The following GPATCH8 variants were observed in gnomAD, a reference collection of about 807,000 sequenced individuals.
GPATCH8 encodes G patch domain-containing protein 8.
In GPATCH8, 18 loss-of-function variants were observed where a neutral mutation model predicts 118.3. The ratio of observed to expected loss-of-function variants is 0.15; its 90% confidence interval spans 0.11 to 0.23. The LOEUF (loss-of-function observed/expected upper bound fraction) is 0.23, where lower values mean the gene tolerates loss of function less well. Ranked by LOEUF, GPATCH8 falls within the 10% of genes least tolerant of loss-of-function variation. GPATCH8 has a pLI of 1.00. For synonymous variants in GPATCH8, 659 were observed against 684.7 expected, an observed-to-expected ratio of 0.96 and a Z score of 0.59; for missense variants, 1,631 against 1,873.8, an observed-to-expected ratio of 0.87 and a Z score of 2.39.
At position 44,429,687 on chromosome 17, in the gene GPATCH8, A is replaced by ACACACACACAC. The variant is rs58829323; in HGVS notation, c.349-5196_349-5195insGTGTGTGTGTG. On this transcript the variant is annotated intron_variant, in intron 5 of 7. Coordinates refer to ENST00000591680, the MANE Select transcript of GPATCH8 (RefSeq NM_001002909.4). The stretch of plus-strand genomic sequence containing the variant: ...ACACACACACACACACACACACACA[A>ACACACACACAC]AACAACAAACAAACAAACAAACAAA... 4.2e-4 allele frequency among the ~76,000 whole-genome samples: 31 copies of ACACACACACAC among 73,728 alleles called. No individual in the cohort carries two copies. The East Asian group carries it at 5.5e-3, about 13-fold the overall frequency. The allele number at this position is 73,728 out of a possible 152,430, so 48.4% of individuals were successfully genotyped here. A position where few individuals can be genotyped will look rare whatever the true frequency, so the allele number is the denominator to read the frequency against.
intron 3 of GPATCH8, among the ~76,000 whole-genome samples, chr17:44,462,622 A>G (rs2051598132): frequency 6.6e-6 from 1 of 152,202 alleles, no homozygotes; most frequent in Non-Finnish European, 1.5e-5. Flanking sequence ...TTTATTGAGC[A>G]TCTCCCATGT....
At chr17:44,491,073 A>G (rs1424870526) in intron 1 of GPATCH8, among the ~76,000 whole-genome samples, 3 of 152,250 alleles carry the variant, frequency 2.0e-5, no homozygotes, top group Non-Finnish European at 4.4e-5. Context: ...GCTGGAGAAG[A>G]AGGAATTATT....
chr17:44,430,487 C>T (rs561504997), intron 5 of GPATCH8, among the ~76,000 whole-genome samples: 34 of 152,268 alleles, frequency 2.2e-4, no homozygotes, highest in Admixed American at 7.2e-4. Flanking sequence ...CCAATACTCT[C>T]TTTCATGGTA....
intron 1 of GPATCH8, among the ~76,000 whole-genome samples, chr17:44,480,341 G>C (rs1490324286): frequency 1.3e-5 from 2 of 152,126 alleles, no homozygotes; most frequent in Non-Finnish European, 2.9e-5. Context: ...CAGCAATCTG[G>C]GAGGCCGAGG....
chr17:44,491,772 T>G (rs1969267545), intron 1 of GPATCH8, among the ~76,000 whole-genome samples: 1 of 150,690 alleles, frequency 6.6e-6, no homozygotes, highest in African/African-American at 2.4e-5. Flanking sequence ...GAGGATTGCC[T>G]GAGTCCAAGA....
Position 44,397,747 on chromosome 17 carries a change from C to A in GPATCH8, c.4330G>T (p.Ala1444Ser). The change falls in exon 8 of 8, where the codon GCC becomes TCC. Residue 1444 changes from alanine (A) to serine (S), a missense_variant. Coordinates refer to ENST00000591680, the MANE Select transcript of GPATCH8 (RefSeq NM_001002909.4). The part of the protein sequence containing the change: ...LASHPIHIIP[A>S]SAIHPGPFTF... ...AAGGGCCCAGGATGGATGGCTGAGG[C>A]GGGAATGATGTGGATGGGATGGCTA... 1 of 1,590,090 alleles carries A rather than the reference C, an allele frequency of 6.3e-7. No individual in the cohort carries two copies. The highest frequency in any genetic ancestry group is 8.6e-7 in the Non-Finnish European group (1 of 1,165,542).
intron 1 of GPATCH8, 71 bp downstream of exon 1, chr17:44,503,255 G>A (rs1970231053): frequency 7.5e-7 from 1 of 1,332,578 alleles, no homozygotes; most frequent in Non-Finnish European, 1.1e-6. Context: ...AGAGGGCTGG[G>A]AGCCGGAGAT....
chr17:44,472,548 A>G (rs1967371558), intron 2 of GPATCH8, among the ~76,000 whole-genome samples: 14 of 152,196 alleles, frequency 9.2e-5, no homozygotes, highest in Admixed American at 9.2e-4. Context: ...TTTCATCTAA[A>G]TTTACTGCTA....
intron 2 of GPATCH8, chr17:44,467,071 TG>T: frequency 8.5e-7 from 1 of 1,179,142 alleles, no homozygotes; most frequent in Non-Finnish European, 1.1e-6. Flanking sequence ...GCAGTGCAAG[TG>T]GAGTGAAAGC....
intron 4 of GPATCH8, among the ~76,000 whole-genome samples, chr17:44,435,778 G>A (rs1019839168): frequency 1.4e-5 from 2 of 146,362 alleles, no homozygotes; most frequent in Non-Finnish European, 1.5e-5. Context: ...TCCCAGCACT[G>A]TGGGAGGCCG....
At chr17:44,440,161 A>G (rs1454713706) in intron 3 of GPATCH8, among the ~76,000 whole-genome samples, 3 of 152,192 alleles carry the variant, frequency 2.0e-5, no homozygotes, top group African/African-American at 7.2e-5. Context: ...TTTAAAATAT[A>G]TTAAATTAGT....
chr17:44,463,762 G>A (rs1243818411), intron 3 of GPATCH8, among the ~76,000 whole-genome samples: 1 of 152,240 alleles, frequency 6.6e-6, no homozygotes, highest in Non-Finnish European at 1.5e-5. Flanking sequence ...AAGCTAAAAA[G>A]AGAACGCAGT....
rs748703155 is a variant in GPATCH8, at chr17:44,400,808, A to G, written c.1269T>C (p.Asp423=). The G allele has an allele frequency of 9.3e-6, 15 of 1,613,972 alleles. No individual in the cohort carries two copies. The South Asian group carries it at 1.5e-4, about 17-fold the overall frequency. The change falls in exon 8 of 8, where the codon GAT becomes GAC. Residue 423 remains aspartate, a synonymous_variant. Coordinates refer to ENST00000591680, the MANE Select transcript of GPATCH8 (RefSeq NM_001002909.4). ...FMRASEQMDG[D]NTTHPKNAPE... ...GGGCATTCTTTGGGTGTGTAGTATT[A>G]TCACCATCCATTTGTTCACTGGCTC...
At chr17:44,501,254 T>C (rs1970041674) in intron 1 of GPATCH8, among the ~76,000 whole-genome samples, 1 of 151,832 alleles carries the variant, frequency 6.6e-6, no homozygotes, top group Admixed American at 6.6e-5. Context: ...CCATCTCTAC[T>C]AAAAATACAA....
chr17:44,416,343 C>T (rs980560820), intron 6 of GPATCH8, among the ~76,000 whole-genome samples: 4 of 151,988 alleles, frequency 2.6e-5, no homozygotes, highest in Non-Finnish European at 5.9e-5. Flanking sequence ...TTAGCTATGT[C>T]GTGATTGCTG....
chr17:44,427,008 T>C (rs2050114336), intron 5 of GPATCH8, among the ~76,000 whole-genome samples: 1 of 152,182 alleles, frequency 6.6e-6, no homozygotes, highest in African/African-American at 2.4e-5. Context: ...TATATGGAGT[T>C]ATATGTATGT....
At chr17:44,439,647 C>T (rs144962772) in intron 3 of GPATCH8, among the ~76,000 whole-genome samples, 3 of 152,170 alleles carry the variant, frequency 2.0e-5, no homozygotes, top group East Asian at 1.9e-4. Context: ...CAAAAAACCC[C>T]CTCAGTTTAT....
chr17:44,399,491 C>G lies in GPATCH8; in HGVS notation c.2586G>C (p.Ser862=), dbSNP rs374682530. The G allele has an allele frequency of 7.4e-6, 12 of 1,614,028 alleles. No individual in the cohort carries two copies. Among genetic ancestry groups the G allele is most frequent in the South Asian group, 1.1e-5 (1 of 91,084 alleles). The change falls in exon 8 of 8, where the codon TCG becomes TCC. Residue 862 remains serine, a synonymous_variant. Coordinates refer to ENST00000591680, the MANE Select transcript of GPATCH8 (RefSeq NM_001002909.4). ...AGTAAGAACGCCGGGAGGAACGATG[C>G]GAGGAATGGCGCCGGCCAGACCTTG... The part of the protein sequence containing the change: ...SRSRSGRRHS[S]HRSSRRSYSS...
At chr17:44,448,392 T>C (rs1165650905) in intron 3 of GPATCH8, among the ~76,000 whole-genome samples, 1 of 145,822 alleles carries the variant, frequency 6.9e-6, no homozygotes, top group Admixed American at 7.2e-5. Context: ...ACCCTGTCTC[T>C]ATGAAAAAAA....
Sources: allele counts gnomAD v4.1 joint callset (sites outside exome capture counted in the v4.1 genomes callset), GRCh38; gene constraint gnomAD v4.1.1; transcripts MANE v1.5; gene names NCBI Gene and HGNC (gene_info 2026-07-23, HGNC 2026-07-21).